GEMIN8: variants seen among roughly 807,000 people sequenced by gnomAD.
GEMIN8 encodes the protein gem-associated protein 8.
For missense variants in GEMIN8, 185 were observed against 205.9 expected, an observed-to-expected ratio of 0.90 and a Z score of 0.62; for synonymous variants, 80 against 78.5, an observed-to-expected ratio of 1.02 and a Z score of -0.10.
Position 14,009,021 on chromosome X carries a change from G to C in GEMIN8, c.621C>G (p.Asp207Glu). 8.3e-7 allele frequency: 1 copy of C among 1,211,677 alleles called. No individual in the cohort carries two copies. Residue 207 changes from aspartate to glutamate, a missense_variant, in exon 5 of 5, where the codon GAC (aspartate) becomes GAG (glutamate). Asp to Glu is a conservative substitution (Grantham distance 45). Coordinates refer to ENST00000680255, the MANE Select transcript of GEMIN8 (RefSeq NM_001042479.2). The stretch of plus-strand genomic sequence containing the variant: ...CCATGGCTTGGATCTTGGCAGCACT[G>C]TCCCCGTACAAACGCTTCATCTCGG... The part of the protein sequence containing the change: ...RQAEMKRLYG[D>E]SAAKIQAMEA...
In GEMIN8 at chrX:14,021,489, G is replaced by T; in HGVS notation, c.-11C>A. 8.6e-7 allele frequency: 1 copy of T among 1,165,715 alleles called. No individual in the cohort carries two copies. Among genetic ancestry groups the T allele is most frequent in the Non-Finnish European group, 1.2e-6 (1 of 855,368 alleles). ...CTTTACCGCTGCCATCTCTGATTGTGAAAGTCCAAATGGGTGCTGAAACTA... is the reference window on the plus strand; with the variant it reads ...CTTTACCGCTGCCATCTCTGATTGTTAAAGTCCAAATGGGTGCTGAAACTA... On this transcript the variant is annotated 5_prime_UTR_variant, in exon 3 of 5. Transcript: ENST00000680255.
the GEMIN8 span, among the ~76,000 whole-genome samples, chrX:13,984,405 C>G: frequency 5.3e-5 from 6 of 112,515 alleles, no homozygotes; most frequent in African/African-American, 1.9e-4. Flanking sequence ...GGTCAGCACA[C>G]TATGGCCTGG....
chrX:13,988,884 A>C, the GEMIN8 span: 1 of 106,865 alleles, frequency 9.4e-6, no homozygotes, highest in South Asian at 4.3e-4. Context: ...AATGTTCAAG[A>C]TGGAAGGGAT....
rs1391527442 is a variant in GEMIN8, at chrX:14,021,504, T to G, written c.-26A>C. 1.7e-6 allele frequency: 2 copies of G among 1,155,659 alleles called. No individual in the cohort carries two copies. Among genetic ancestry groups the G allele is most frequent in the Non-Finnish European group, 2.4e-6 (2 of 849,080 alleles). ...CTCTGATTGTGAAAGTCCAAATGGGTGCTGAAACTAGGAAAGAAGAATCAC... is the reference window on the plus strand; with the variant it reads ...CTCTGATTGTGAAAGTCCAAATGGGGGCTGAAACTAGGAAAGAAGAATCAC... On this transcript the variant is annotated 5_prime_UTR_variant, in exon 3 of 5. Transcript: ENST00000680255.
intron 4 of GEMIN8, among the ~76,000 whole-genome samples, chrX:14,012,782 G>A (rs996551381): frequency 9.0e-6 from 1 of 111,315 alleles, no homozygotes; most frequent in Non-Finnish European, 1.9e-5. Flanking sequence ...AGAAACAGAT[G>A]CTCAAATCTC....
chrX:13,999,686 A>T, the GEMIN8 span, among the ~76,000 whole-genome samples: 1 of 111,712 alleles, frequency 9.0e-6, no homozygotes, highest in Admixed American at 9.5e-5. Flanking sequence ...ACAGTTTCTC[A>T]GTCTTTCTTT....
rs7057480 is a variant in GEMIN8 at position 14,026,123 on chromosome X, G to A, written c.-34+17C>T. 219,211 of 744,695 alleles carry A rather than the reference G, an allele frequency of 0.29. 23,136 individuals carry two copies. The highest frequency in any genetic ancestry group is 0.33 in the South Asian group (4,729 of 14,470). 61.4% of individuals were successfully genotyped at this position (744,695 alleles called of 1,213,427 possible). On this transcript the variant is annotated intron_variant, in intron 2 of 4. Coordinates refer to ENST00000680255, the MANE Select transcript of GEMIN8 (RefSeq NM_001042479.2). ...TTTGGTCTTTAATGGTCTTTAATTC[G>A]ATCTTTCATTCCTCACCTCCCTGGG...
downstream of GEMIN8, among the ~76,000 whole-genome samples, chrX:14,001,922 A>G (rs1346103908): frequency 2.8e-5 from 3 of 107,230 alleles, no homozygotes; most frequent in Non-Finnish European, 3.9e-5. Context: ...CAGGAGTTAG[A>G]GACCAGCCTG....
In GEMIN8 at chrX:14,013,957, AT is replaced by A; in HGVS notation, c.473-4789del. The A allele has an allele frequency of 1.4e-5, 10 of 713,540 alleles. No individual in the cohort carries two copies. In the South Asian group the frequency reaches 7.2e-4, roughly 52 times the overall value. 58.8% of individuals were successfully genotyped at this position (713,540 alleles called of 1,213,427 possible). On this transcript the variant is annotated intron_variant, in intron 4 of 4. Transcript: ENST00000680255. ...TGGGTTCAGGATACATAATCCTGGT[AT>A]TTTTCACATCAATCTATTTGTCTAC...
chrX:13,999,360 T>C, the GEMIN8 span, among the ~76,000 whole-genome samples: 1 of 105,140 alleles, frequency 9.5e-6, no homozygotes, highest in Non-Finnish European at 2.0e-5. Flanking sequence ...AACTGCATCC[T>C]CTGCCTCCCA....
At chrX:14,006,172 G>A (rs1174018479), downstream of GEMIN8, among the ~76,000 whole-genome samples, 1 of 110,258 alleles carries the variant, frequency 9.1e-6, no homozygotes, top group Non-Finnish European at 1.9e-5. Flanking sequence ...GGGACTATAG[G>A]TGTGCACCAC....
the GEMIN8 span, among the ~76,000 whole-genome samples, chrX:13,995,759 AC>A: frequency 1.8e-5 from 2 of 111,121 alleles, no homozygotes; most frequent in Non-Finnish European, 3.8e-5. Flanking sequence ...TCTTATAAGG[AC>A]CCTTGTGATG....
chrX:13,991,278 A>G, the GEMIN8 span, among the ~76,000 whole-genome samples: 1 of 112,163 alleles, frequency 8.9e-6, no homozygotes, highest in African/African-American at 3.2e-5. Flanking sequence ...TTTCCTGTTA[A>G]AAACAAATGA....
In GEMIN8 at chrX:14,021,196, G is replaced by A. The variant is rs139498811; in HGVS notation, c.15+268C>T. ...CACTCACAGGTGGGAATTGAACAAT[G>A]AGAACACATGGACACAGGAAGGGGA... On this transcript the variant is annotated intron_variant, in intron 3 of 4. Coordinates refer to ENST00000680255, the MANE Select transcript of GEMIN8 (RefSeq NM_001042479.2). 4.7e-4 allele frequency among the ~76,000 whole-genome samples: 45 copies of A among 96,417 alleles called. No individual in the cohort carries two copies. The East Asian group carries it at 0.013, about 28-fold the overall frequency. The allele number at this position is 96,417 out of a possible 115,157, so 83.7% of individuals were successfully genotyped here.
rs1415105078 is a variant in GEMIN8, at chrX:14,007,412, C to A, written c.*1501G>T. On this transcript the variant is annotated 3_prime_UTR_variant, in exon 5 of 5. Transcript: ENST00000680255. ...TTTTATAAATGACCTGCTCCATCAGCTTTTAGATTTCATTTTCAGAAATGT... is the reference window on the plus strand; with the variant it reads ...TTTTATAAATGACCTGCTCCATCAGATTTTAGATTTCATTTTCAGAAATGT... Among the ~76,000 whole-genome samples the A allele has an allele frequency of 8.9e-6, 1 of 112,425 alleles. No homozygotes were observed. The highest frequency in any genetic ancestry group is 1.9e-5 in the Non-Finnish European group (1 of 53,295).
chrX:14,009,592 T>C (rs1365232551), intron 4 of GEMIN8, among the ~76,000 whole-genome samples: 1 of 110,321 alleles, frequency 9.1e-6, no homozygotes, highest in African/African-American at 3.3e-5. Flanking sequence ...AGGAAACTCA[T>C]CACTCCAAAC....
At chrX:14,016,866 A>AAT (rs61127994) in intron 4 of GEMIN8, among the ~76,000 whole-genome samples, 3,419 of 56,829 alleles carry the variant, frequency 0.06, 158 homozygotes, top group Non-Finnish European at 0.077. Context: ...AAAAAAAAAA[A>AAT]ATATATATAT....
intron 2 of GEMIN8, among the ~76,000 whole-genome samples, chrX:14,022,144 C>T (rs181243384): frequency 0.01 from 1,084 of 105,827 alleles, 5 homozygotes; most frequent in Non-Finnish European, 0.017. Context: ...TTTACTAATC[C>T]TTAACTCATG....
intron 4 of GEMIN8, among the ~76,000 whole-genome samples, chrX:14,012,548 G>T (rs1923629630): frequency 9.0e-6 from 1 of 111,375 alleles, no homozygotes; most frequent in Non-Finnish European, 1.9e-5. Context: ...CAAGAAGCCT[G>T]TCACCTGCGA....
Sources: allele counts gnomAD v4.1 joint callset (sites outside exome capture counted in the v4.1 genomes callset), GRCh38; gene constraint gnomAD v4.1.1; transcripts MANE v1.5; gene names NCBI Gene and HGNC (gene_info 2026-07-23, HGNC 2026-07-21).